RTN4RL1: variants seen among roughly 807,000 people sequenced by gnomAD.
RTN4RL1 encodes reticulon 4 receptor like 1, also known as reticulon-4 receptor-like 1.
Under a neutral mutation model 25.6 loss-of-function variants are expected in RTN4RL1, and 7 were observed. That is an observed-to-expected ratio of 0.27 (90% CI 0.16 to 0.51). The LOEUF is 0.51. RTN4RL1 is among the 20% of genes least tolerant of loss of function. RTN4RL1 has a pLI of 0.97. For missense variants in RTN4RL1, 500 were observed against 615.6 expected, an observed-to-expected ratio of 0.81 and a Z score of 1.99; for synonymous variants, 297 against 288.2, an observed-to-expected ratio of 1.03 and a Z score of -0.31.
intron 1 of RTN4RL1, among the ~76,000 whole-genome samples, chr17:2,014,597 C>T (rs539431950): frequency 1.2e-3 from 178 of 152,236 alleles, no homozygotes; most frequent in Non-Finnish European, 1.8e-3. Flanking sequence ...TTTGGGAGGC[C>T]GACGCAGGCA....
intron 1 of RTN4RL1, among the ~76,000 whole-genome samples, chr17:1,977,937 A>G (rs2066850115): frequency 7.0e-6 from 1 of 142,268 alleles, no homozygotes; most frequent in South Asian, 2.3e-4. Context: ...CGCACCCCGC[A>G]CCCTGCACCC....
In RTN4RL1 at chr17:1,965,488, C is replaced by A. The variant is rs183428130; in HGVS notation, c.14-27680G>T. On this transcript the variant is annotated intron_variant, in intron 1 of 1. Coordinates refer to ENST00000331238, the MANE Select transcript of RTN4RL1 (RefSeq NM_178568.4). ...CACAGAGTTGGTCTTGAGTGGGGAA[C>A]ACAGGCTCTGGGTGGGTCCATCTCC... Among the ~76,000 whole-genome samples the A allele has an allele frequency of 1.4e-4, 22 of 152,300 alleles. No individual in the cohort carries two copies. The East Asian group carries it at 3.1e-3, about 21-fold the overall frequency.
intron 1 of RTN4RL1, among the ~76,000 whole-genome samples, chr17:2,014,716 C>T (rs1177885506): frequency 6.6e-6 from 1 of 152,030 alleles, no homozygotes; most frequent in Non-Finnish European, 1.5e-5. Context: ...CCTGTAATCC[C>T]AGCTACTCGG....
intron 1 of RTN4RL1, among the ~76,000 whole-genome samples, chr17:2,002,356 G>A (rs571318455): frequency 1.1e-4 from 17 of 149,426 alleles, no homozygotes; most frequent in South Asian, 2.1e-4. Flanking sequence ...GCAGTGGCGC[G>A]ATCTCGGCTC....
intron 1 of RTN4RL1, among the ~76,000 whole-genome samples, chr17:1,971,074 C>T (rs796505475): frequency 1.3e-5 from 2 of 152,200 alleles, no homozygotes; most frequent in South Asian, 4.1e-4. Context: ...AGATGCTACT[C>T]AGTATGGTTT....
In RTN4RL1 at chr17:2,024,915, C is replaced by A. The variant is rs1434249415; in HGVS notation, c.-50G>T. 6.4e-7 allele frequency: 1 copy of A among 1,555,610 alleles called. No homozygotes were observed. Among genetic ancestry groups the A allele is most frequent in the East Asian group, 2.4e-5 (1 of 41,308 alleles). On this transcript the variant is annotated 5_prime_UTR_variant, in exon 1 of 2. Transcript: ENST00000331238. ...AGGTCGGCCTAGGCGCACTCCCTCCCGGGGTCCAGATTCAAATCCCTGGGC... is the reference window on the plus strand; with the variant it reads ...AGGTCGGCCTAGGCGCACTCCCTCCAGGGGTCCAGATTCAAATCCCTGGGC...
intron 1 of RTN4RL1, among the ~76,000 whole-genome samples, chr17:1,971,951 G>C (rs1230133448): frequency 1.4e-5 from 1 of 71,280 alleles, no homozygotes; most frequent in Non-Finnish European, 3.2e-5. Flanking sequence ...GACAGAGCCA[G>C]ACTCCCTCTC....
At chr17:2,011,212 T>C (rs933071568) in intron 1 of RTN4RL1, among the ~76,000 whole-genome samples, 4 of 152,032 alleles carry the variant, frequency 2.6e-5, no homozygotes, top group South Asian at 2.1e-4. Flanking sequence ...GATCGCGCCA[T>C]TGCACTCCAG....
chr17:1,968,557 A>G (rs1057358826), intron 1 of RTN4RL1, among the ~76,000 whole-genome samples: 1 of 152,188 alleles, frequency 6.6e-6, no homozygotes, highest in African/African-American at 2.4e-5. Context: ...CCTGGGCTCG[A>G]AGCCAACACT....
chr17:1,954,400 T>TTG (rs1555517589), intron 1 of RTN4RL1, among the ~76,000 whole-genome samples: 143 of 136,880 alleles, frequency 1.0e-3, no homozygotes, highest in African/African-American at 3.6e-3. Context: ...TTTTTTTTTT[T>TTG]TTTTTGAGAT....
intron 1 of RTN4RL1, among the ~76,000 whole-genome samples, chr17:1,997,858 G>C (rs28380702): frequency 0.32 from 49,330 of 152,030 alleles, 8,182 homozygotes; most frequent in Non-Finnish European, 0.38. Context: ...GCAGACCCCC[G>C]ACCCCAGCTG....
chr17:1,977,962 T>C (rs2151315376), intron 1 of RTN4RL1, among the ~76,000 whole-genome samples: 1 of 143,484 alleles, frequency 7.0e-6, no homozygotes, highest in Non-Finnish European at 1.5e-5. Context: ...TCCTGCATCC[T>C]GCACCCCGCA....
intron 1 of RTN4RL1, among the ~76,000 whole-genome samples, chr17:1,970,889 TC>T (rs1225206872): frequency 6.6e-6 from 1 of 152,198 alleles, no homozygotes; most frequent in Non-Finnish European, 1.5e-5. Flanking sequence ...TTAAGGAATC[TC>T]ATGAAAGCTG....
At chr17:1,947,690 G>A (rs1355284302) in intron 1 of RTN4RL1, among the ~76,000 whole-genome samples, 1 of 152,200 alleles carries the variant, frequency 6.6e-6, no homozygotes, top group Non-Finnish European at 1.5e-5. Context: ...GGGCCTTGTC[G>A]GAGCCACCCC....
At chr17:1,939,123 C>T (rs566478526) in intron 1 of RTN4RL1, among the ~76,000 whole-genome samples, 278 of 151,946 alleles carry the variant, frequency 1.8e-3, no homozygotes, top group African/African-American at 5.2e-3. Flanking sequence ...GAGGCCGAGG[C>T]GGGCGGATCA....
intron 1 of RTN4RL1, among the ~76,000 whole-genome samples, chr17:2,015,236 TG>T (rs960286262): frequency 1.3e-5 from 2 of 151,894 alleles, no homozygotes; most frequent in African/African-American, 4.8e-5. Flanking sequence ...GCTCTTGGGC[TG>T]GGGGTGGCTG....
intron 1 of RTN4RL1, among the ~76,000 whole-genome samples, chr17:1,947,203 C>T (rs557480765): frequency 9.2e-5 from 14 of 152,270 alleles, no homozygotes; most frequent in East Asian, 1.9e-4. Flanking sequence ...TGTGTGTGCA[C>T]GTGTGTCTGC....
At chr17:2,024,197 G>A (rs2046929938) in intron 1 of RTN4RL1, among the ~76,000 whole-genome samples, 1 of 152,216 alleles carries the variant, frequency 6.6e-6, no homozygotes, top group Non-Finnish European at 1.5e-5. Context: ...TCCTCAAGTT[G>A]AGCTGTGCAC....
chr17:1,945,228 GTTTT>G (rs1485948470), intron 1 of RTN4RL1, among the ~76,000 whole-genome samples: 1 of 152,086 alleles, frequency 6.6e-6, no homozygotes, highest in Non-Finnish European at 1.5e-5. Flanking sequence ...TGGTGGTTTT[GTTTT>G]TTGTTTTCTG....
Sources: allele counts gnomAD v4.1 joint callset (sites outside exome capture counted in the v4.1 genomes callset), GRCh38; gene constraint gnomAD v4.1.1; transcripts MANE v1.5; gene names NCBI Gene and HGNC (gene_info 2026-07-23, HGNC 2026-07-21).